GRM1: variants seen among roughly 807,000 people sequenced by gnomAD.
The protein encoded by GRM1 is metabotropic glutamate receptor 1.
GRM1 carries 33 observed loss-of-function variants against 90.9 expected under a neutral mutation model. The ratio of observed to expected loss-of-function variants is 0.36; its 90% confidence interval spans 0.28 to 0.49. The LOEUF is 0.49. Ranked by LOEUF, GRM1 falls within the 20% of genes least tolerant of loss-of-function variation. The pLI is 0.99. For synonymous variants in GRM1, 700 were observed against 613.2 expected (o/e 1.14, Z -2.09); for missense variants, 1,190 against 1,534.3 (o/e 0.78, Z 3.75).
At chr6:146,374,017 A>G (rs1019991356) in intron 5 of GRM1, among the ~76,000 whole-genome samples, 4 of 152,142 alleles carry the variant, frequency 2.6e-5, no homozygotes, top group Non-Finnish European at 5.9e-5. Flanking sequence ...CATGGCTTTT[A>G]TGATGTTGAG....
chr6:146,355,431 G>T (rs1164622466), intron 4 of GRM1, among the ~76,000 whole-genome samples: 1 of 152,168 alleles, frequency 6.6e-6, no homozygotes, highest in South Asian at 2.1e-4. Flanking sequence ...TGAATAATGT[G>T]CTCTGGGTGT....
Position 146,398,128 on chromosome 6 carries a change from G to A in GRM1, c.1730-641G>A, listed in dbSNP as rs1777032308. ...GTTAGGGGAGATTTCATTCTTCCTGGATATGTCCACTAGAGGTTACTAACT... is the reference window on the plus strand; with the variant it reads ...GTTAGGGGAGATTTCATTCTTCCTGAATATGTCCACTAGAGGTTACTAACT... On this transcript the variant is annotated intron_variant, in intron 6 of 7. Transcript: ENST00000282753. 2.6e-5 allele frequency among the ~76,000 whole-genome samples: 4 copies of A among 152,158 alleles called. No individual in the cohort carries two copies. In the South Asian group the frequency reaches 6.2e-4, roughly 24 times the overall value.
At chr6:146,384,001 C>T (rs1776408716) in intron 5 of GRM1, among the ~76,000 whole-genome samples, 1 of 152,116 alleles carries the variant, frequency 6.6e-6, no homozygotes, top group South Asian at 2.1e-4. Context: ...CCTAAAATCA[C>T]TCAGGCTTTC....
intron 6 of GRM1, among the ~76,000 whole-genome samples, chr6:146,397,177 T>A (rs1435417636): frequency 5.3e-5 from 8 of 152,104 alleles, no homozygotes; most frequent in Admixed American, 1.3e-4. Context: ...ATACATAAAA[T>A]TTTTTTTAAA....
chr6:146,379,437 C>G (rs1164621550), intron 5 of GRM1, among the ~76,000 whole-genome samples: 2 of 152,116 alleles, frequency 1.3e-5, no homozygotes, highest in African/African-American at 4.8e-5. Context: ...TTAATTATTT[C>G]AATCTCTGTT....
At chr6:146,432,384 A>G (rs2114692839) in intron 7 of GRM1, among the ~76,000 whole-genome samples, 1 of 152,350 alleles carries the variant, frequency 6.6e-6, no homozygotes, top group Middle Eastern at 3.4e-3. Context: ...TTTCAAGATT[A>G]TAAAATATGA....
rs188317749 is a variant in GRM1, at chr6:146,318,465, C to T, written c.1186+13619C>T. The stretch of plus-strand genomic sequence containing the variant: ...TGTGAAAAGTGCTGCAATAAACATA[C>T]GTGTGCATGTGTATTTATGGTAAAA... On this transcript the variant is annotated intron_variant, in intron 3 of 7. Coordinates refer to ENST00000282753, the MANE Select transcript of GRM1 (RefSeq NM_001278064.2). 7.2e-5 allele frequency among the ~76,000 whole-genome samples: 11 copies of T among 152,218 alleles called. No individual in the cohort carries two copies. In the East Asian group the frequency reaches 7.7e-4, roughly 11 times the overall value.
chr6:146,350,608 C>A (rs1321117462), intron 3 of GRM1, among the ~76,000 whole-genome samples: 1 of 151,956 alleles, frequency 6.6e-6, no homozygotes, highest in Non-Finnish European at 1.5e-5. Flanking sequence ...TTTTATGGTC[C>A]CAGTAAGTTG....
chr6:146,282,225 T>A (rs1261018602), intron 2 of GRM1, among the ~76,000 whole-genome samples: 1 of 152,206 alleles, frequency 6.6e-6, no homozygotes, highest in African/African-American at 2.4e-5. Flanking sequence ...TTATCTAATA[T>A]TTAGCTGAAA....
rs185505045 is a variant in GRM1, at chr6:146,146,955, C to T, written c.701-12393C>T. Among the ~76,000 whole-genome samples, 68 of 152,324 alleles carry T rather than the reference C, an allele frequency of 4.5e-4. No individual in the cohort carries two copies. In the East Asian group the frequency reaches 0.013, roughly 28 times the overall value. ...CATTGTTACCACATGGCTGCTACAC[C>T]TCCAGGCTCAAGTCCATTTACTGGC... On this transcript the variant is annotated intron_variant, in intron 1 of 7. Coordinates refer to ENST00000282753, the MANE Select transcript of GRM1 (RefSeq NM_001278064.2).
In GRM1 at chr6:146,399,183, G is replaced by A; in HGVS notation, c.2144G>A (p.Ser715Asn). Residue 715 changes from serine to asparagine, a missense_variant, in exon 7 of 8, where the codon AGT becomes AAT. Physicochemically the swap from Ser to Asn is conservative, Grantham distance 46 (BLOSUM62 1). Around this residue, in one of 10 missense-constraint regions of GRM1, gnomAD observed 414 missense variants for 598.4 expected, o/e 0.69. Coordinates refer to ENST00000282753, the MANE Select transcript of GRM1 (RefSeq NM_001278064.2). The surrounding 1 kb of genome is among the most constrained non-coding windows in gnomAD (Gnocchi z 5.4). Reference protein sequence around the residue: ...AQVIIASILISVQLTLVVTLI... With the variant: ...AQVIIASILINVQLTLVVTLI... The stretch of plus-strand genomic sequence containing the variant: ...GTGATCATTGCCTCAATTCTGATTA[G>A]TGTGCAACTAACCCTGGTGGTAACC... 6.2e-7 allele frequency: 1 copy of A among 1,614,106 alleles called. No individual in the cohort carries two copies. Among genetic ancestry groups the A allele is most frequent in the Non-Finnish European group, 8.5e-7 (1 of 1,180,034 alleles).
rs867233731 is a variant in GRM1, at chr6:146,186,095, G to T, written c.950+26498G>T. On this transcript the variant is annotated intron_variant, in intron 2 of 7. Transcript: ENST00000282753. ...TCCCGAGTAGCTGGAATTACAGCTGGTTTTTTTTTTTTTTTGTATTTATTT... is the reference window on the plus strand; with the variant it reads ...TCCCGAGTAGCTGGAATTACAGCTGTTTTTTTTTTTTTTTTGTATTTATTT... 3.7e-3 allele frequency among the ~76,000 whole-genome samples: 485 copies of T among 131,184 alleles called. 2 individuals are homozygous for T. Among genetic ancestry groups the T allele is most frequent in the African/African-American group, 0.012 (425 of 35,536 alleles). 86.1% of individuals were successfully genotyped at this position (131,184 alleles called of 152,430 possible).
intron 1 of GRM1, among the ~76,000 whole-genome samples, chr6:146,135,659 G>C (rs1467944973): frequency 6.6e-6 from 1 of 152,134 alleles, no homozygotes; most frequent in Non-Finnish European, 1.5e-5. Flanking sequence ...TTTAATTTTA[G>C]TGGGTGCATA....
At chr6:146,363,999 G>A (rs1161163125) in intron 5 of GRM1, among the ~76,000 whole-genome samples, 5 of 152,240 alleles carry the variant, frequency 3.3e-5, no homozygotes, top group Non-Finnish European at 5.9e-5. Flanking sequence ...AGGTTGGGAA[G>A]AGGATAGACG....
At chr6:146,357,817 G>GGT (rs1554300643) in intron 5 of GRM1, 123 bp downstream of exon 5, 1 of 808,820 alleles carries the variant, frequency 1.2e-6, no homozygotes, top group Non-Finnish European at 2.1e-6. Context: ...CAGGCTTACA[G>GGT]TTTTGGCTCT....
chr6:146,252,058 A>G (rs781102970), intron 2 of GRM1, among the ~76,000 whole-genome samples: 19 of 152,156 alleles, frequency 1.2e-4, no homozygotes, highest in Admixed American at 6.5e-5. Context: ...CCTTCTAAGA[A>G]GTTATCACTA....
At position 146,140,138 on chromosome 6, in the gene GRM1, TTTCC is replaced by T. The variant is rs1358909047; in HGVS notation, c.701-19198_701-19195del. 8.6e-5 allele frequency among the ~76,000 whole-genome samples: 11 copies of T among 128,354 alleles called. No homozygotes were observed. In the East Asian group the frequency reaches 1.7e-3, roughly 19 times the overall value. The allele number at this position is 128,354 out of a possible 152,430, so 84.2% of individuals were successfully genotyped here. ...CTTTCTTTCTTTCTTTCTTTCTTTC[TTTCC>T]TTCCTTCCTTCTTTCTCCTTCCTTC... On this transcript the variant is annotated intron_variant, in intron 1 of 7. Coordinates refer to ENST00000282753, the MANE Select transcript of GRM1 (RefSeq NM_001278064.2).
At chr6:146,112,719 T>C (rs1775604751) in intron 1 of GRM1, among the ~76,000 whole-genome samples, 1 of 152,180 alleles carries the variant, frequency 6.6e-6, no homozygotes, top group South Asian at 2.1e-4. Flanking sequence ...GATTTTTAAA[T>C]TGTCTGCTGT....
Position 146,165,947 on chromosome 6 carries a change from C to T in GRM1, c.950+6350C>T, listed in dbSNP as rs190098290. 6.6e-5 allele frequency among the ~76,000 whole-genome samples: 10 copies of T among 152,016 alleles called. No homozygotes were observed. In the East Asian group the frequency reaches 1.4e-3, roughly 21 times the overall value. ...TGTTTCAGATACCGGACATCTGAAA[C>T]GTGAAAGATTCCACTTTCATGGTCT... On this transcript the variant is annotated intron_variant, in intron 2 of 7. Transcript: ENST00000282753.
Sources: allele counts gnomAD v4.1 joint callset (sites outside exome capture counted in the v4.1 genomes callset), GRCh38; gene constraint gnomAD v4.1.1; regional missense constraint gnomAD v4.1.1; non-coding constraint Gnocchi (gnomAD v3.1); transcripts MANE v1.5; gene names NCBI Gene and HGNC (gene_info 2026-07-23, HGNC 2026-07-21).